ICAM5: variants seen among roughly 807,000 people sequenced by gnomAD.
The protein encoded by ICAM5 is ICAM-5.
ICAM5 carries 38 observed loss-of-function variants against 78.8 expected under a neutral mutation model. The observed-to-expected ratio is 0.48, with a 90% confidence interval of 0.37 to 0.63. ICAM5 has a LOEUF of 0.63. ICAM5 is among the 30% of genes least tolerant of loss of function. The pLI is 0.00. For missense variants in ICAM5, 1,059 were observed against 1,303.0 expected (o/e 0.81, Z 2.88); for synonymous variants, 544 against 590.9 (o/e 0.92, Z 1.15).
chr19:10,292,402 C>G (rs1720698235), intron 4 of ICAM5, 80 bp downstream of exon 4: 1 of 1,471,528 alleles, frequency 6.8e-7, no homozygotes, highest in Non-Finnish European at 9.1e-7. Context: ...TGGGCGGGAC[C>G]TCAGTACCGG....
rs762720374 is a variant in ICAM5, at chr19:10,294,293, C to G, written c.1965C>G (p.Ala655=). 3.1e-6 allele frequency: 5 copies of G among 1,613,148 alleles called. No individual in the cohort carries two copies. In the East Asian group the frequency reaches 1.1e-4, roughly 36 times the overall value. Residue 655 remains alanine, a synonymous_variant, in exon 8 of 11, where the codon GCC becomes GCG. Transcript: ENST00000221980. The surrounding 1 kb of genome is among the most constrained non-coding windows in gnomAD (Gnocchi z 7.7). ...CNATNRHGSV[A]KTVVVSAESP... ...CCACCAACCGCCACGGCTCCGTGGC[C>G]AAAACAGTCGTCGTGAGCGCGGAGT...
chr19:10,296,180 G>A (rs1454855282), intron 10 of ICAM5, among the ~76,000 whole-genome samples, 159 bp from the exon 11 acceptor site: 1 of 152,214 alleles, frequency 6.6e-6, no homozygotes, highest in African/African-American at 2.4e-5. Context: ...CCCTGGCACT[G>A]GGAGTGGCCT....
Position 10,294,616 on chromosome 19 carries a change from C to G in ICAM5, c.2206C>G (p.Arg736Gly). The change falls in exon 9 of 11, where the codon CGG (arginine) becomes GGG (glycine). Residue 736 changes from arginine (R) to glycine (G), a missense_variant. By Grantham distance (125) the Arg-to-Gly change is moderately radical (BLOSUM62 -2). This residue lies in a region of ICAM5 where 135 missense variants were observed against 230.2 expected (regional missense o/e 0.59). Transcript: ENST00000221980. This position sits in a 1 kb window ranked among gnomAD's most constrained non-coding sequence, Gnocchi z 7.7. The stretch of plus-strand genomic sequence containing the variant: ...CACCAATGCGCATGGCACGGACTCC[C>G]GGACCGTCACTGTGGGCGTGGAATG... ...VATNAHGTDS[R>G]TVTVGVEYRP... 6.2e-7 allele frequency: 1 copy of G among 1,612,762 alleles called. No individual in the cohort carries two copies.
intron 10 of ICAM5, among the ~76,000 whole-genome samples, chr19:10,296,129 C>G (rs773830543): frequency 1.8e-4 from 28 of 152,256 alleles, no homozygotes; most frequent in Admixed American, 4.6e-4. Context: ...GGGTTTATAT[C>G]CCCATGGGCT....
At chr19:10,291,962 G>A (rs2040176684) in intron 3 of ICAM5, 73 bp from the exon 4 acceptor site, 2 of 1,526,768 alleles carry the variant, frequency 1.3e-6, no homozygotes, top group East Asian at 4.5e-5. Context: ...AATACGATAA[G>A]ATAGTGCATG....
In ICAM5 at chr19:10,290,123, C is replaced by A; in HGVS notation, c.80C>A (p.Ser27Ter). Residue 27 changes from serine (S) to a stop codon, truncating the protein, a stop_gained and splice_region_variant, in exon 1 of 11, where the codon TCA (serine) becomes TAA (stop). Coordinates refer to ENST00000221980, the MANE Select transcript of ICAM5 (RefSeq NM_003259.4). LOFTEE classifies it high-confidence loss of function. The surrounding 1 kb of genome is among the most constrained non-coding windows in gnomAD (Gnocchi z 5.7). ...AALGLGLFGL[S>*]AVSQEPFWAD... ...CTGGGCCTGGGGCTCTTCGGCCTCT[C>A]AGGTAAGAGCCCCGCTCTGGTTCGG... The A allele has an allele frequency of 6.6e-7, 1 of 1,524,660 alleles. No individual in the cohort carries two copies. Among genetic ancestry groups the A allele is most frequent in the Non-Finnish European group, 8.8e-7 (1 of 1,134,110 alleles). The allele number at this position is 1,524,660 out of a possible 1,614,324, so 94.4% of individuals were successfully genotyped here.
In ICAM5 at chr19:10,289,995, C is replaced by G; in HGVS notation, c.-49C>G. The G allele has an allele frequency of 6.7e-7, 1 of 1,487,268 alleles. No individual in the cohort carries two copies. Among genetic ancestry groups the G allele is most frequent in the Non-Finnish European group, 9.0e-7 (1 of 1,106,548 alleles). 92.1% of individuals were successfully genotyped at this position (1,487,268 alleles called of 1,614,324 possible). ...CGCGCGGAGCCGTCCTCTAGCCCAG[C>G]TCCTCGGCTCGCGCTCTCCTCGCCT... is the stretch of plus-strand genomic sequence containing the variant. On this transcript the variant is annotated 5_prime_UTR_variant, in exon 1 of 11. Transcript: ENST00000221980.
chr19:10,294,624 C>T lies in ICAM5; in HGVS notation c.2214C>T (p.Val738=). ...TNAHGTDSRT[V]TVGVEYRPVV... ...CGCATGGCACGGACTCCCGGACCGT[C>T]ACTGTGGGCGTGGAATGTGAGTGGG... Residue 738 remains valine, a synonymous_variant, in exon 9 of 11, where the codon GTC becomes GTT. Coordinates refer to ENST00000221980, the MANE Select transcript of ICAM5 (RefSeq NM_003259.4). The surrounding 1 kb of genome is among the most constrained non-coding windows in gnomAD (Gnocchi z 7.7). 6.2e-7 allele frequency: 1 copy of T among 1,612,592 alleles called. No homozygotes were observed. The highest frequency in any genetic ancestry group is 8.5e-7 in the Non-Finnish European group (1 of 1,179,818).
Position 10,290,714 on chromosome 19 carries a change from G to A in ICAM5, c.83-358G>A, listed in dbSNP as rs1246546875. The A allele has an allele frequency of 4.1e-5, 15 of 366,058 alleles. No individual in the cohort carries two copies. The highest frequency in any genetic ancestry group is 6.0e-5 in the Non-Finnish European group (12 of 201,082). 22.7% of individuals were successfully genotyped at this position (366,058 alleles called of 1,614,324 possible). A position where few individuals can be genotyped will look rare whatever the true frequency, so the allele number is the denominator to read the frequency against. ...TCCCGGCATTCTGCCAGGACCCTGAGAACTGGTTCATCCCCCATCCCCCAT... is the reference window on the plus strand; with the variant it reads ...TCCCGGCATTCTGCCAGGACCCTGAAAACTGGTTCATCCCCCATCCCCCAT... On this transcript the variant is annotated intron_variant, in intron 1 of 10. Coordinates refer to ENST00000221980, the MANE Select transcript of ICAM5 (RefSeq NM_003259.4). This position sits in a 1 kb window ranked among gnomAD's most constrained non-coding sequence, Gnocchi z 5.7.
Position 10,290,039 on chromosome 19 carries a change from C to T in ICAM5, c.-5C>T. The T allele has an allele frequency of 1.3e-6, 2 of 1,539,020 alleles. No homozygotes were observed. Among genetic ancestry groups the T allele is most frequent in the Non-Finnish European group, 8.7e-7 (1 of 1,145,088 alleles). On this transcript the variant is annotated 5_prime_UTR_variant, in exon 1 of 11. Transcript: ENST00000221980. The surrounding 1 kb of genome is among the most constrained non-coding windows in gnomAD (Gnocchi z 5.7). ...CTCGCCTCCTGTGCTTTCCCCGCCG[C>T]GGCGATGCCAGGGCCTTCGCCAGGG...
At chr19:10,292,485 C>A (rs2040182438) in intron 4 of ICAM5, 127 bp from the exon 5 acceptor site, 1 of 1,400,610 alleles carries the variant, frequency 7.1e-7, no homozygotes, top group Non-Finnish European at 9.7e-7. Context: ...GCCTGTACAG[C>A]CTGAGAGGCG....
Position 10,293,350 on chromosome 19 carries a change from G to A in ICAM5, c.1465+104G>A. On this transcript the variant is annotated intron_variant, in intron 6 of 10. Coordinates refer to ENST00000221980, the MANE Select transcript of ICAM5 (RefSeq NM_003259.4). This position sits in a 1 kb window ranked among gnomAD's most constrained non-coding sequence, Gnocchi z 5.0. Reference sequence around the variant, plus strand: ...TAGGGTATGAGGTGTCCCTTTGGGTGAGGTTTTGGGAAAGGGAAGAGGCTG... The same window carrying A: ...TAGGGTATGAGGTGTCCCTTTGGGTAAGGTTTTGGGAAAGGGAAGAGGCTG... The A allele has an allele frequency of 7.0e-7, 1 of 1,429,344 alleles. No individual in the cohort carries two copies. The highest frequency in any genetic ancestry group is 9.4e-7 in the Non-Finnish European group (1 of 1,062,342). The allele number at this position is 1,429,344 out of a possible 1,614,324, so 88.5% of individuals were successfully genotyped here.
In ICAM5 at chr19:10,290,809, C is replaced by A; in HGVS notation, c.83-263C>A. 1 of 574,806 alleles carries A rather than the reference C, an allele frequency of 1.7e-6. No homozygotes were observed. The highest frequency in any genetic ancestry group is 2.2e-5 in the South Asian group (1 of 44,836). 35.6% of individuals were successfully genotyped at this position (574,806 alleles called of 1,614,324 possible). On this transcript the variant is annotated intron_variant, in intron 1 of 10. Coordinates refer to ENST00000221980, the MANE Select transcript of ICAM5 (RefSeq NM_003259.4). The surrounding 1 kb of genome is among the most constrained non-coding windows in gnomAD (Gnocchi z 5.7). ...CACCTTTCCTCTCCTCTACGCCCTCCCCCCATGCTTTCCCGCCGCTCCATC... is the reference window on the plus strand; with the variant it reads ...CACCTTTCCTCTCCTCTACGCCCTCACCCCATGCTTTCCCGCCGCTCCATC...
chr19:10,290,686 G>C lies in ICAM5; in HGVS notation c.83-386G>C. On this transcript the variant is annotated intron_variant, in intron 1 of 10. Transcript: ENST00000221980. The surrounding 1 kb of genome is among the most constrained non-coding windows in gnomAD (Gnocchi z 5.7). ...CCCTTGCCGCAAACGCACTCTCCTC[G>C]TATCCCGGCATTCTGCCAGGACCCT... The C allele has an allele frequency of 6.8e-6, 2 of 294,888 alleles. No homozygotes were observed. The highest frequency in any genetic ancestry group is 1.3e-5 in the Non-Finnish European group (2 of 157,570). 18.3% of individuals were successfully genotyped at this position (294,888 alleles called of 1,614,324 possible). A position where few individuals can be genotyped will look rare whatever the true frequency, so the allele number is the denominator to read the frequency against.
Position 10,291,267 on chromosome 19 carries a change from C to T in ICAM5, c.278C>T (p.Pro93Leu), listed in dbSNP as rs1256527443. 23 of 1,612,522 alleles carry T rather than the reference C, an allele frequency of 1.4e-5. No homozygotes were observed. The highest frequency in any genetic ancestry group is 1.6e-4 in the Middle Eastern group (1 of 6,084). ...LARQLVDIREPETQPVCFFRC... is the reference protein window; with the variant it reads ...LARQLVDIRELETQPVCFFRC... ...CGGCAGCTGGTGGACATTCGCGAGC[C>T]GGAGACTCAGCCCGTCTGCTTCTTC... Residue 93 changes from proline to leucine, a missense_variant, in exon 2 of 11, where the codon CCG becomes CTG. Physicochemically the swap from Pro to Leu is moderately conservative, Grantham distance 98 (BLOSUM62 -3). Around this residue, in one of 3 missense-constraint regions of ICAM5, gnomAD observed 815 missense variants for 952.8 expected, o/e 0.86. Coordinates refer to ENST00000221980, the MANE Select transcript of ICAM5 (RefSeq NM_003259.4).
At position 10,292,235 on chromosome 19, in the gene ICAM5, G is replaced by T; in HGVS notation, c.874G>T (p.Ala292Ser). Reference protein sequence around the residue: ...FVATATATASAEQEGARQLVC... With the variant: ...FVATATATASSEQEGARQLVC... ...GGCCACTGCCACAGCCACAGCTAGCGCAGAGCAGGAGGGTGCCAGGCAGCT... is the reference window on the plus strand; with the variant it reads ...GGCCACTGCCACAGCCACAGCTAGCTCAGAGCAGGAGGGTGCCAGGCAGCT... The change falls in exon 4 of 11, where the codon GCA (alanine) becomes TCA (serine). Residue 292 changes from alanine to serine, a missense_variant. Around this residue, in one of 3 missense-constraint regions of ICAM5, gnomAD observed 815 missense variants for 952.8 expected, o/e 0.86. Transcript: ENST00000221980. 6.2e-7 allele frequency: 1 copy of T among 1,613,094 alleles called. No individual in the cohort carries two copies. Among genetic ancestry groups the T allele is most frequent in the Non-Finnish European group, 8.5e-7 (1 of 1,179,904 alleles).
rs774623176 is a variant in ICAM5, at chr19:10,290,124, A to T, written c.81A>T (p.Ser27=). 1.3e-6 allele frequency: 2 copies of T among 1,522,942 alleles called. No homozygotes were observed. Among genetic ancestry groups the T allele is most frequent in the South Asian group, 2.4e-5 (2 of 81,870 alleles). 94.3% of individuals were successfully genotyped at this position (1,522,942 alleles called of 1,614,324 possible). A position where few individuals can be genotyped will look rare whatever the true frequency, so the allele number is the denominator to read the frequency against. Residue 27 remains serine (S), a splice_region_variant and synonymous_variant, in exon 1 of 11, where the codon TCA becomes TCT. Coordinates refer to ENST00000221980, the MANE Select transcript of ICAM5 (RefSeq NM_003259.4). The surrounding 1 kb of genome is among the most constrained non-coding windows in gnomAD (Gnocchi z 5.7). The part of the protein sequence containing the change: ...AALGLGLFGL[S]AVSQEPFWAD... ...TGGGCCTGGGGCTCTTCGGCCTCTC[A>T]GGTAAGAGCCCCGCTCTGGTTCGGG...
At chr19:10,295,667 G>C in intron 10 of ICAM5, 55 bp downstream of exon 10, 1 of 1,487,952 alleles carries the variant, frequency 6.7e-7, no homozygotes, top group Non-Finnish European at 8.9e-7. Flanking sequence ...GGCGTGACCT[G>C]GGTCTTGGGG....
At position 10,295,540 on chromosome 19, in the gene ICAM5, G is replaced by A. The variant is rs2040213286; in HGVS notation, c.2425G>A (p.Gly809Ser). Residue 809 changes from glycine (G) to serine (S), a missense_variant, in exon 10 of 11, where the codon GGC (glycine) becomes AGC (serine). By Grantham distance (56) the Gly-to-Ser change is moderately conservative. Coordinates refer to ENST00000221980, the MANE Select transcript of ICAM5 (RefSeq NM_003259.4). Reference sequence around the variant, plus strand: ...CGTGGCAGGCGCCATGGGAAGCCACGGCGGCGAGTACGAGTGCGCAGCCAC... The same window carrying A: ...CGTGGCAGGCGCCATGGGAAGCCACAGCGGCGAGTACGAGTGCGCAGCCAC... ...LSVAGAMGSH[G>S]GEYECAATNA... 6.5e-7 allele frequency: 1 copy of A among 1,549,048 alleles called. No homozygotes were observed. The highest frequency in any genetic ancestry group is 8.7e-7 in the Non-Finnish European group (1 of 1,148,598).
Sources: gnomAD v4.1 joint callset for allele counts (sites outside exome capture counted in the v4.1 genomes callset) on GRCh38, gnomAD v4.1.1 for gene constraint, gnomAD v4.1.1 regional missense constraint, Gnocchi (gnomAD v3.1) non-coding constraint, MANE v1.5 for transcripts, NCBI Gene and HGNC (gene_info 2026-07-23, HGNC 2026-07-21) for gene names.